FAT3: variants seen among roughly 807,000 people sequenced by gnomAD.
FAT3 encodes protocadherin Fat 3.
In FAT3, 95 loss-of-function variants were observed where a neutral mutation model predicts 310.2. The ratio of observed to expected loss-of-function variants is 0.31; its 90% CI spans 0.26 to 0.36. The LOEUF is 0.36. FAT3 is among the 10% of genes least tolerant of loss of function. The pLI is 1.00. For synonymous variants in FAT3, 2,314 were observed against 2,192.9 expected, an observed-to-expected ratio of 1.06 and a Z score of -1.54; for missense variants, 5,408 against 5,715.6, an observed-to-expected ratio of 0.95 and a Z score of 1.74.
chr11:92,246,230 G>A lies in FAT3; in HGVS notation c.-18+21056G>A, dbSNP rs777781861. 1.1e-4 allele frequency among the ~76,000 whole-genome samples: 17 copies of A among 152,062 alleles called. 1 individual carries two copies. The highest frequency in any genetic ancestry group is 2.5e-4 in the Non-Finnish European group (17 of 67,974). ...GAGGTGGTTGAAGTTGAAGCTTAAG[G>A]AGAAAGTTGGGCCCAGGAAGGTTTT... On this transcript the variant is annotated intron_variant, in intron 1 of 27. Transcript: ENST00000525166.
chr11:92,822,220 G>T (rs185969964), intron 13 of FAT3, among the ~76,000 whole-genome samples: 1 of 152,080 alleles, frequency 6.6e-6, no homozygotes, highest in Admixed American at 6.5e-5. Context: ...TCCCCCATTA[G>T]CAGGGAATTC....
At chr11:92,734,333 G>A (rs1331433842) in intron 4 of FAT3, among the ~76,000 whole-genome samples, 1 of 152,164 alleles carries the variant, frequency 6.6e-6, no homozygotes, top group Non-Finnish European at 1.5e-5. Flanking sequence ...TAAGGATACA[G>A]CAAGTTCTTT....
Position 92,799,371 on chromosome 11 carries a change from A to G in FAT3, c.6358A>G (p.Thr2120Ala), listed in dbSNP as rs921372380. The G allele has an allele frequency of 6.2e-7, 1 of 1,613,722 alleles. No homozygotes were observed. Among genetic ancestry groups the G allele is most frequent in the Non-Finnish European group, 8.5e-7 (1 of 1,179,848 alleles). Residue 2120 changes from threonine (T) to alanine (A), a missense_variant, in exon 10 of 28, where the codon ACC (threonine) becomes GCC (alanine). Physicochemically the swap from Thr to Ala is moderately conservative, Grantham distance 58. Around this residue, in one of 5 missense-constraint regions of FAT3, gnomAD observed 4,588 missense variants for 4,809.8 expected, o/e 0.95. Coordinates refer to ENST00000525166, the MANE Select transcript of FAT3 (RefSeq NM_001367949.2). Reference sequence around the variant, plus strand: ...AGATAAAGGTCCAAATGGAGAAGTGACCTATGTCCTGCAGGATGACTATGG... The same window carrying G: ...AGATAAAGGTCCAAATGGAGAAGTGGCCTATGTCCTGCAGGATGACTATGG... ...DKDKGPNGEVTYVLQDDYGHF... is the reference protein window; with the variant it reads ...DKDKGPNGEVAYVLQDDYGHF...
At chr11:92,452,302 T>C (rs752749869) in intron 2 of FAT3, among the ~76,000 whole-genome samples, 1 of 152,194 alleles carries the variant, frequency 6.6e-6, no homozygotes, top group Non-Finnish European at 1.5e-5. Context: ...CAAGTGATAG[T>C]ATCGGACTGT....
intron 15 of FAT3, 67 bp downstream of exon 15, chr11:92,835,151 G>A: frequency 2.9e-6 from 4 of 1,377,070 alleles, no homozygotes; most frequent in South Asian, 2.7e-5. Flanking sequence ...AAGTGAAGAA[G>A]AAAGCAAAGT....
chr11:92,434,905 C>T (rs1950890520), intron 2 of FAT3, among the ~76,000 whole-genome samples: 1 of 152,092 alleles, frequency 6.6e-6, no homozygotes. Flanking sequence ...CTCTGTCATG[C>T]TGAATGTGTA....
At chr11:92,268,411 C>T (rs1013732543) in intron 1 of FAT3, among the ~76,000 whole-genome samples, 1 of 148,442 alleles carries the variant, frequency 6.7e-6, no homozygotes, top group South Asian at 2.1e-4. Context: ...GATTATATGA[C>T]GTACTTTGGA....
intron 1 of FAT3, among the ~76,000 whole-genome samples, chr11:92,260,965 T>G: frequency 6.6e-6 from 1 of 152,106 alleles, no homozygotes; most frequent in East Asian, 1.9e-4. Flanking sequence ...TTTCAATAGC[T>G]GGGGAAAAAT....
At chr11:92,244,631 A>C (rs1864821811) in intron 1 of FAT3, among the ~76,000 whole-genome samples, 1 of 152,118 alleles carries the variant, frequency 6.6e-6, no homozygotes, top group Non-Finnish European at 1.5e-5. Context: ...GTAATTCTCA[A>C]ACTTTAATGA....
intron 3 of FAT3, among the ~76,000 whole-genome samples, chr11:92,604,450 T>A (rs1413896688): frequency 6.6e-6 from 1 of 152,196 alleles, no homozygotes; most frequent in African/African-American, 2.4e-5. Flanking sequence ...GGTGATTAGT[T>A]GATAATCCTC....
At chr11:92,788,858 C>T (rs1946966137) in intron 7 of FAT3, among the ~76,000 whole-genome samples, 1 of 152,082 alleles carries the variant, frequency 6.6e-6, no homozygotes, top group African/African-American at 2.4e-5. Context: ...ACAACAATAA[C>T]ACCATAAAAA....
intron 2 of FAT3, among the ~76,000 whole-genome samples, chr11:92,474,137 C>G (rs1313332813): frequency 6.6e-6 from 1 of 152,200 alleles, no homozygotes; most frequent in East Asian, 1.9e-4. Context: ...TTCTTATAAA[C>G]CCTGTGCTGA....
chr11:92,859,025 G>A (rs1949053616), intron 20 of FAT3, 140 bp from the exon 21 acceptor site: 1 of 662,560 alleles, frequency 1.5e-6, no homozygotes, highest in Non-Finnish European at 2.3e-6. Context: ...AATCAAAAAT[G>A]ATTTCTCCTC....
chr11:92,695,610 A>G (rs999065203), intron 3 of FAT3, among the ~76,000 whole-genome samples: 1 of 152,232 alleles, frequency 6.6e-6, no homozygotes, highest in African/African-American at 2.4e-5. Flanking sequence ...ACTGAAGAAT[A>G]GAATACAGCA....
At chr11:92,361,171 A>T (rs1948872222) in intron 2 of FAT3, among the ~76,000 whole-genome samples, 1 of 152,126 alleles carries the variant, frequency 6.6e-6, no homozygotes, top group Non-Finnish European at 1.5e-5. Flanking sequence ...AGGAGTACTC[A>T]CTATCTGGGA....
chr11:92,705,780 ATGG>A (rs1323493746), intron 4 of FAT3, among the ~76,000 whole-genome samples: 6 of 25,976 alleles, frequency 2.3e-4, no homozygotes, highest in East Asian at 1.6e-3. Flanking sequence ...GGTGGTGGTG[ATGG>A]TGGTGGTGTG....
intron 3 of FAT3, 67 bp downstream of exon 3, chr11:92,525,015 C>T (rs771831277): frequency 3.2e-5 from 40 of 1,258,784 alleles, no homozygotes; most frequent in Non-Finnish European, 4.0e-5. Flanking sequence ...CAGCCTGACA[C>T]TTTCTGTACT....
Position 92,798,785 on chromosome 11 carries a change from A to T in FAT3, c.5772A>T (p.Glu1924Asp), listed in dbSNP as rs1298241186. Residue 1924 changes from glutamate to aspartate, a missense_variant, in exon 10 of 28, where the codon GAA becomes GAT. This residue lies in a region of FAT3 where 4,588 missense variants were observed against 4,809.8 expected (regional missense o/e 0.95). Coordinates refer to ENST00000525166, the MANE Select transcript of FAT3 (RefSeq NM_001367949.2). ...VPPELTYSLM[E>D]GSLDHFLIDS... is the part of the protein sequence containing the mutation. ...CTGAACTGACATACAGCCTAATGGA[A>T]GGCAGTTTGGATCATTTTTTAATTG... 6.2e-7 allele frequency: 1 copy of T among 1,613,874 alleles called. No individual in the cohort carries two copies. The highest frequency in any genetic ancestry group is 8.5e-7 in the Non-Finnish European group (1 of 1,179,842).
At chr11:92,670,569 A>T (rs75206914) in intron 3 of FAT3, among the ~76,000 whole-genome samples, 6,812 of 152,236 alleles carry the variant, frequency 0.045, 324 homozygotes, top group East Asian at 0.21. Context: ...CATATCAGGT[A>T]TCCTTTTGAG....
Sources: allele counts gnomAD v4.1 joint callset (sites outside exome capture counted in the v4.1 genomes callset), GRCh38; gene constraint gnomAD v4.1.1; regional missense constraint gnomAD v4.1.1; transcripts MANE v1.5; gene names NCBI Gene and HGNC (gene_info 2026-07-23, HGNC 2026-07-21).